Variants in FNIP1 observed in about 807,000 individuals in gnomAD.
FNIP1 encodes the protein folliculin-interacting protein 1.
FNIP1 carries 40 observed loss-of-function variants against 124.5 expected under a neutral mutation model. The ratio of observed to expected loss-of-function variants is 0.32; its 90% CI spans 0.25 to 0.42. The LOEUF is 0.42. Among genes scored for constraint, FNIP1 ranks in the 10% least tolerant of loss-of-function variants. The probability of loss-of-function intolerance (pLI) is 1.00; values close to 1 mark genes in which losing one functional copy is unlikely to be tolerated. For synonymous variants in FNIP1, 472 were observed against 470.6 expected, an observed-to-expected ratio of 1.00 and a Z score of -0.04; for missense variants, 1,176 against 1,403.7, an observed-to-expected ratio of 0.84 and a Z score of 2.59.
chr5:131,649,073 T>C (rs544759390), intron 16 of FNIP1, among the ~76,000 whole-genome samples: 81 of 152,342 alleles, frequency 5.3e-4, no homozygotes, highest in African/African-American at 1.9e-3. Flanking sequence ...GATGGATGCT[T>C]GGGTTATTTC....
chr5:131,716,803 G>A, intron 5 of FNIP1, 147 bp from the exon 6 acceptor site: 1 of 542,704 alleles, frequency 1.8e-6, no homozygotes. Flanking sequence ...TAAATCAGAG[G>A]TTGGTAAACT....
At chr5:131,647,341 T>A in intron 16 of FNIP1, 136 bp from the exon 17 acceptor site, 2 of 632,254 alleles carry the variant, frequency 3.2e-6, no homozygotes, top group East Asian at 5.6e-5. Flanking sequence ...AGCACATTTT[T>A]AAAGTATGTA....
At chr5:131,763,994 T>C (rs897815989) in intron 1 of FNIP1, among the ~76,000 whole-genome samples, 1 of 152,144 alleles carries the variant, frequency 6.6e-6, no homozygotes, top group Non-Finnish European at 1.5e-5. Flanking sequence ...GAGTTTCTCA[T>C]GAATGGTTTA....
chr5:131,647,009 A>G, intron 17 of FNIP1, 81 bp downstream of exon 17: 2 of 1,249,088 alleles, frequency 1.6e-6, no homozygotes, highest in Non-Finnish European at 2.3e-6. Flanking sequence ...ACGTAAAAGG[A>G]AAAAGGGCAA....
At chr5:131,646,262 A>G (rs965360877) in intron 17 of FNIP1, among the ~76,000 whole-genome samples, 2 of 152,194 alleles carry the variant, frequency 1.3e-5, no homozygotes, top group African/African-American at 4.8e-5. Flanking sequence ...CAAATCCCTA[A>G]TTAGTCCTAC....
At chr5:131,690,069 A>C (rs1475117553) in intron 11 of FNIP1, among the ~76,000 whole-genome samples, 1 of 151,966 alleles carries the variant, frequency 6.6e-6, no homozygotes, top group Non-Finnish European at 1.5e-5. Flanking sequence ...AAATACAAAA[A>C]AAAATTAGCC....
At chr5:131,670,407 C>A in intron 15 of FNIP1, 56 bp downstream of exon 15, 3 of 1,437,728 alleles carry the variant, frequency 2.1e-6, no homozygotes, top group Non-Finnish European at 2.8e-6. Context: ...ATTTTGGGTT[C>A]TGCTGCTTAA....
intron 1 of FNIP1, among the ~76,000 whole-genome samples, chr5:131,745,623 A>C (rs1770652481): frequency 6.6e-6 from 1 of 152,158 alleles, no homozygotes; most frequent in Admixed American, 6.5e-5. Flanking sequence ...ATGTGTGTGT[A>C]TACATACACA....
At chr5:131,730,865 A>G (rs1179237318) in intron 3 of FNIP1, 39 bp downstream of exon 3, 1 of 1,528,764 alleles carries the variant, frequency 6.5e-7, no homozygotes, top group East Asian at 2.3e-5. Flanking sequence ...AAAACTAATT[A>G]TAAATGAATG....
intron 3 of FNIP1, 94 bp downstream of exon 3, chr5:131,730,810 A>G: frequency 1.1e-6 from 1 of 943,612 alleles, no homozygotes; most frequent in Non-Finnish European, 1.5e-6. Context: ...TAGGAAGATA[A>G]GGACTAATTG....
intron 15 of FNIP1, among the ~76,000 whole-genome samples, chr5:131,657,271 G>A (rs1218669883): frequency 6.6e-6 from 1 of 151,880 alleles, no homozygotes; most frequent in Non-Finnish European, 1.5e-5. Context: ...TAAGGTGCTG[G>A]GATTACAGGC....
chr5:131,752,443 T>C (rs1489994261), intron 1 of FNIP1, among the ~76,000 whole-genome samples: 1 of 151,668 alleles, frequency 6.6e-6, no homozygotes, highest in Non-Finnish European at 1.5e-5. Flanking sequence ...CACCTTAGGT[T>C]AGGCAAAGAG....
intron 11 of FNIP1, among the ~76,000 whole-genome samples, chr5:131,679,938 T>C (rs1768026826): frequency 6.6e-6 from 1 of 152,242 alleles, no homozygotes; most frequent in South Asian, 2.1e-4. Flanking sequence ...AAGCAACTCC[T>C]GCAAAAGCCT....
chr5:131,677,996 A>G, intron 12 of FNIP1, 124 bp from the exon 13 acceptor site: 1 of 846,762 alleles, frequency 1.2e-6, no homozygotes, highest in South Asian at 2.0e-5. Context: ...CAAAAAAAGG[A>G]GAAGAGAGAG....
At chr5:131,769,845 A>G (rs776294691) in intron 1 of FNIP1, among the ~76,000 whole-genome samples, 5 of 152,154 alleles carry the variant, frequency 3.3e-5, no homozygotes, top group Non-Finnish European at 7.3e-5. Flanking sequence ...CTTCTACTAT[A>G]AGTACATGAC....
intron 11 of FNIP1, among the ~76,000 whole-genome samples, chr5:131,681,209 T>C (rs1278571658): frequency 6.6e-6 from 1 of 152,176 alleles, no homozygotes; most frequent in African/African-American, 2.4e-5. Context: ...ATAGAGTATA[T>C]CTTGTAGTGT....
At chr5:131,715,107 C>T (rs972593390) in intron 6 of FNIP1, among the ~76,000 whole-genome samples, 1 of 152,194 alleles carries the variant, frequency 6.6e-6, no homozygotes, top group African/African-American at 2.4e-5. Flanking sequence ...ATTTTCTACT[C>T]TATATTAAAA....
intron 1 of FNIP1, among the ~76,000 whole-genome samples, chr5:131,791,401 G>A (rs567454709): frequency 6.6e-6 from 1 of 152,272 alleles, no homozygotes; most frequent in East Asian, 1.9e-4. Context: ...AACCAGGTAG[G>A]TAACTTTGAT....
intron 15 of FNIP1, among the ~76,000 whole-genome samples, chr5:131,655,500 T>G (rs1298680991): frequency 6.6e-6 from 1 of 152,174 alleles, no homozygotes; most frequent in African/African-American, 2.4e-5. Context: ...AACAAATGTA[T>G]AGTATTAAAT....
Sources: allele counts gnomAD v4.1 joint callset (sites outside exome capture counted in the v4.1 genomes callset), GRCh38; gene constraint gnomAD v4.1.1; transcripts MANE v1.5; gene names NCBI Gene and HGNC (gene_info 2026-07-23, HGNC 2026-07-21).